Variants in ITSN2 observed in about 807,000 individuals in gnomAD.
ITSN2 encodes the protein intersectin 2.
ITSN2 carries 156 observed loss-of-function variants against 243.7 expected under a neutral mutation model. That is an observed-to-expected ratio of 0.64 (90% CI 0.56 to 0.73). The LOEUF (loss-of-function observed/expected upper bound fraction) is 0.73, where lower values mean the gene tolerates loss of function less well. Ranked by LOEUF, ITSN2 falls within the 30% of genes least tolerant of loss-of-function variation. The pLI is 0.00. For synonymous variants in ITSN2, 703 were observed against 699.9 expected (o/e 1.00, Z -0.07); for missense variants, 1,801 against 1,996.1 (o/e 0.90, Z 1.86).
At position 24,254,123 on chromosome 2, in the gene ITSN2, C is replaced by T. The variant is rs1674711266; in HGVS notation, c.2953+244G>A. On this transcript the variant is annotated intron_variant, in intron 24 of 39. Coordinates refer to ENST00000355123, the MANE Select transcript of ITSN2 (RefSeq NM_006277.3). ...TTATGATGTTATTCATCAAACCAGT[C>T]TATGCTGAATTTTCATAGCACTGCC... Among the ~76,000 whole-genome samples the T allele has an allele frequency of 2.0e-5, 3 of 152,176 alleles. No homozygotes were observed. In the South Asian group the frequency reaches 6.2e-4, roughly 31 times the overall value.
chr2:24,223,947 G>C (rs1197488600), intron 29 of ITSN2, among the ~76,000 whole-genome samples: 1 of 152,102 alleles, frequency 6.6e-6, no homozygotes, highest in South Asian at 2.1e-4. Flanking sequence ...AAATTGTTAC[G>C]CTTTTAGGGA....
At chr2:24,326,345 G>A (rs886272195) in intron 2 of ITSN2, among the ~76,000 whole-genome samples, 8 of 152,106 alleles carry the variant, frequency 5.3e-5, no homozygotes, top group Admixed American at 5.2e-4. Context: ...CTGCAAAGTA[G>A]ATATATAAAT....
At chr2:24,266,530 T>C (rs958566942) in intron 20 of ITSN2, among the ~76,000 whole-genome samples, 1 of 152,194 alleles carries the variant, frequency 6.6e-6, no homozygotes, top group African/African-American at 2.4e-5. Context: ...AACTGTATGA[T>C]GTCACAGTAA....
At chr2:24,351,258 T>C (rs568002426) in intron 1 of ITSN2, among the ~76,000 whole-genome samples, 1 of 152,312 alleles carries the variant, frequency 6.6e-6, no homozygotes, top group South Asian at 2.1e-4. Context: ...CCAGCTAGTA[T>C]TGTTACTTTT....
intron 23 of ITSN2, among the ~76,000 whole-genome samples, chr2:24,255,486 G>A (rs1164161748): frequency 3.3e-5 from 5 of 151,006 alleles, no homozygotes; most frequent in African/African-American, 1.2e-4. Context: ...AAATTAGCCC[G>A]GTGTGGTGGT....
chr2:24,350,282 T>C (rs1415385725), intron 1 of ITSN2, among the ~76,000 whole-genome samples: 2 of 152,126 alleles, frequency 1.3e-5, no homozygotes, highest in Non-Finnish European at 2.9e-5. Context: ...AAGCCAATAA[T>C]TTTCAACAAT....
intron 25 of ITSN2, among the ~76,000 whole-genome samples, chr2:24,251,310 A>AAAAAAAAAAT (rs1553355849): frequency 0.033 from 108 of 3,228 alleles, 49 homozygotes; most frequent in East Asian, 0.089. Flanking sequence ...ACTCCATCTC[A>AAAAAAAAAAT]AAAAAAAAAA....
At chr2:24,234,666 T>C (rs984938313) in intron 29 of ITSN2, among the ~76,000 whole-genome samples, 6 of 151,652 alleles carry the variant, frequency 4.0e-5, no homozygotes, top group Non-Finnish European at 7.4e-5. Flanking sequence ...AGAAAACAAA[T>C]AAAAAAATGG....
At chr2:24,340,728 T>C (rs1396336147) in intron 1 of ITSN2, among the ~76,000 whole-genome samples, 1 of 152,048 alleles carries the variant, frequency 6.6e-6, no homozygotes, top group African/African-American at 2.4e-5. Flanking sequence ...TTATAGATCC[T>C]GTGTTCTCAA....
chr2:24,254,011 T>C (rs906463947), intron 24 of ITSN2, among the ~76,000 whole-genome samples: 16 of 152,178 alleles, frequency 1.1e-4, no homozygotes, highest in East Asian at 1.9e-4. Context: ...ATATGGTACA[T>C]TGTAATTAAA....
intron 36 of ITSN2, 49 bp downstream of exon 36, chr2:24,209,051 C>T: frequency 6.2e-7 from 1 of 1,605,622 alleles, no homozygotes; most frequent in African/African-American, 1.3e-5. Context: ...GGGAGACGTC[C>T]AGGCCTTCTC....
At chr2:24,236,080 A>G (rs976288227) in intron 29 of ITSN2, among the ~76,000 whole-genome samples, 2 of 147,102 alleles carry the variant, frequency 1.4e-5, no homozygotes, top group African/African-American at 5.1e-5. Flanking sequence ...CACAATAGCC[A>G]AATGGTTGAA....
At chr2:24,279,726 C>CTTTT (rs955431908) in intron 17 of ITSN2, among the ~76,000 whole-genome samples, 139 of 78,244 alleles carry the variant, frequency 1.8e-3, no homozygotes, top group African/African-American at 2.2e-3. Context: ...TGTGAATTTT[C>CTTTT]TTTTTTTTTT....
chr2:24,350,094 G>A (rs1687894986), intron 1 of ITSN2, among the ~76,000 whole-genome samples: 2 of 152,136 alleles, frequency 1.3e-5, no homozygotes, highest in South Asian at 4.1e-4. Flanking sequence ...GTAATCCTTA[G>A]TAACTCAGAT....
At chr2:24,311,157 G>T (rs1683220173) in intron 5 of ITSN2, among the ~76,000 whole-genome samples, 1 of 151,976 alleles carries the variant, frequency 6.6e-6, no homozygotes, top group African/African-American at 2.4e-5. Flanking sequence ...TACTTTATGA[G>T]ATCCATTTAT....
At chr2:24,268,059 T>G (rs1676889131) in intron 20 of ITSN2, among the ~76,000 whole-genome samples, 1 of 152,232 alleles carries the variant, frequency 6.6e-6, no homozygotes. Context: ...ACTGAACATT[T>G]TATATAAATT....
chr2:24,328,058 T>C lies in ITSN2; in HGVS notation c.25A>G (p.Met9Val), dbSNP rs80075089. The C allele has an allele frequency of 5.1e-5, 83 of 1,613,488 alleles. No homozygotes were observed. In the East Asian group the frequency reaches 1.5e-3, roughly 29 times the overall value. ...CAAGCACAAAGCTGCTTACCATTCATAGCTGTGGGAAACTGAGCCATCATG... is the reference window on the plus strand; with the variant it reads ...CAAGCACAAAGCTGCTTACCATTCACAGCTGTGGGAAACTGAGCCATCATG... MMAQFPTAMNGGPNMWAIT... is the reference protein window; with the variant it reads MMAQFPTAVNGGPNMWAIT... The change falls in exon 2 of 40, where the codon ATG (methionine) becomes GTG (valine). Residue 9 changes from methionine (M) to valine (V), a missense_variant. Met to Val is a conservative substitution (Grantham distance 21). Transcript: ENST00000355123.
At chr2:24,213,921 G>A (rs1229078531) in intron 32 of ITSN2, among the ~76,000 whole-genome samples, 1 of 152,110 alleles carries the variant, frequency 6.6e-6, no homozygotes, top group East Asian at 1.9e-4. Context: ...TCATCGTAAG[G>A]AAAAATACGA....
intron 8 of ITSN2, among the ~76,000 whole-genome samples, chr2:24,305,576 CAAA>C (rs537945691): frequency 2.4e-5 from 1 of 40,876 alleles, no homozygotes; most frequent in Middle Eastern, 9.3e-3. Context: ...GACTCTGTCT[CAAA>C]AAAAAAAAAA....
Sources: allele counts gnomAD v4.1 joint callset (sites outside exome capture counted in the v4.1 genomes callset), GRCh38; gene constraint gnomAD v4.1.1; transcripts MANE v1.5; gene names NCBI Gene and HGNC (gene_info 2026-07-23, HGNC 2026-07-21).